The following PTPRT variants were observed in gnomAD, a reference collection of about 807,000 sequenced individuals.
The protein encoded by PTPRT is receptor-type tyrosine-protein phosphatase T.
Under a neutral mutation model 176.8 loss-of-function variants are expected in PTPRT, and 56 were observed. The ratio of observed to expected loss-of-function variants is 0.32; its 90% confidence interval spans 0.26 to 0.40. The LOEUF is 0.40. Among genes scored for constraint, PTPRT ranks in the 10% least tolerant of loss-of-function variants. The pLI is 1.00. For missense variants in PTPRT, 1,540 were observed against 1,908.2 expected, an observed-to-expected ratio of 0.81 and a Z score of 3.60; for synonymous variants, 783 against 739.0, an observed-to-expected ratio of 1.06 and a Z score of -0.96.
intron 6 of PTPRT, among the ~76,000 whole-genome samples, chr20:42,717,576 T>A (rs1261147605): frequency 6.7e-6 from 1 of 148,972 alleles, no homozygotes; most frequent in Non-Finnish European, 1.5e-5. Flanking sequence ...CTAAAGATAA[T>A]GTGAGACAGG....
At chr20:42,188,330 A>G (rs1990861980) in intron 16 of PTPRT, among the ~76,000 whole-genome samples, 1 of 152,110 alleles carries the variant, frequency 6.6e-6, no homozygotes, top group African/African-American at 2.4e-5. Context: ...AAACACAAGG[A>G]GAGCAAAAGT....
intron 18 of PTPRT, 48 bp from the exon 19 acceptor site, chr20:42,128,878 G>T: frequency 4.0e-6 from 6 of 1,482,610 alleles, no homozygotes; most frequent in Non-Finnish European, 5.5e-6. Flanking sequence ...GAGGCCTTAC[G>T]CAGCTAATGT....
intron 13 of PTPRT, among the ~76,000 whole-genome samples, chr20:42,280,852 G>A (rs2057127491): frequency 6.6e-6 from 1 of 152,058 alleles, no homozygotes; most frequent in Admixed American, 6.5e-5. Flanking sequence ...TTGCTTGTCA[G>A]GTCTCATGTT....
chr20:42,571,979 T>C (rs1346940247), intron 7 of PTPRT, among the ~76,000 whole-genome samples: 3 of 152,334 alleles, frequency 2.0e-5, no homozygotes, highest in South Asian at 4.1e-4. Flanking sequence ...TGAGCTGTTA[T>C]AACCACATAC....
intron 1 of PTPRT, among the ~76,000 whole-genome samples, chr20:43,038,559 G>C (rs1435385229): frequency 6.6e-6 from 1 of 152,050 alleles, no homozygotes; most frequent in Non-Finnish European, 1.5e-5. Context: ...CAGAAAAAAG[G>C]ATATCTGCTA....
intron 1 of PTPRT, among the ~76,000 whole-genome samples, chr20:43,001,537 G>T (rs1179064113): frequency 6.6e-6 from 1 of 151,610 alleles, no homozygotes; most frequent in Non-Finnish European, 1.5e-5. Context: ...AAGCAGAATG[G>T]GGTTAACTCA....
At chr20:42,812,435 C>G (rs1034418802) in intron 2 of PTPRT, among the ~76,000 whole-genome samples, 1 of 152,042 alleles carries the variant, frequency 6.6e-6, no homozygotes, top group Admixed American at 6.6e-5. Flanking sequence ...TACTTTCTAT[C>G]TCTATGAATT....
chr20:42,965,063 A>G (rs1982215662), intron 1 of PTPRT, among the ~76,000 whole-genome samples: 1 of 152,254 alleles, frequency 6.6e-6, no homozygotes, highest in African/African-American at 2.4e-5. Context: ...GATACCCAGC[A>G]TAAAAGTAAA....
chr20:43,001,053 T>G (rs1414091258), intron 1 of PTPRT, among the ~76,000 whole-genome samples: 1 of 152,138 alleles, frequency 6.6e-6, no homozygotes, highest in Admixed American at 6.5e-5. Context: ...GAAGGTATTA[T>G]TCTTCACCCA....
chr20:42,299,378 T>C (rs929976586), intron 12 of PTPRT, among the ~76,000 whole-genome samples: 1 of 152,164 alleles, frequency 6.6e-6, no homozygotes, highest in Non-Finnish European at 1.5e-5. Flanking sequence ...CAAATAATTT[T>C]CAACACAACG....
At chr20:42,114,882 C>T (rs1422955876) in intron 22 of PTPRT, among the ~76,000 whole-genome samples, 1 of 152,180 alleles carries the variant, frequency 6.6e-6, no homozygotes, top group East Asian at 1.9e-4. Flanking sequence ...TGCCCAAATG[C>T]CTCCTCTGCT....
At chr20:42,630,945 T>C (rs997379508) in intron 7 of PTPRT, among the ~76,000 whole-genome samples, 4 of 152,268 alleles carry the variant, frequency 2.6e-5, no homozygotes, top group Non-Finnish European at 5.9e-5. Flanking sequence ...AGTGGTACCA[T>C]GGAAGTAATC....
At chr20:42,546,542 C>T (rs1010996118) in intron 7 of PTPRT, among the ~76,000 whole-genome samples, 7 of 152,030 alleles carry the variant, frequency 4.6e-5, no homozygotes, top group African/African-American at 1.4e-4. Flanking sequence ...TATTTAATTT[C>T]CTTTAACAGT....
chr20:42,752,229 C>T (rs1378310371), intron 6 of PTPRT, among the ~76,000 whole-genome samples: 2 of 152,188 alleles, frequency 1.3e-5, no homozygotes, highest in East Asian at 3.9e-4. Context: ...ATAAATCCCA[C>T]CCCTATGGGC....
chr20:43,157,259 G>T (rs550958804), intron 1 of PTPRT, among the ~76,000 whole-genome samples: 5 of 152,048 alleles, frequency 3.3e-5, no homozygotes, highest in Non-Finnish European at 7.4e-5. Context: ...ACTTGGGGAG[G>T]GGGTGGAGGC....
intron 16 of PTPRT, among the ~76,000 whole-genome samples, chr20:42,167,304 T>C (rs1989871727): frequency 6.6e-6 from 1 of 152,186 alleles, no homozygotes; most frequent in Non-Finnish European, 1.5e-5. Flanking sequence ...CTTTCCTTTA[T>C]GACACACCCC....
intron 1 of PTPRT, among the ~76,000 whole-genome samples, chr20:43,049,326 A>AACATACAT (rs3030299): frequency 6.6e-6 from 1 of 151,354 alleles, no homozygotes; most frequent in African/African-American, 2.4e-5. Context: ...GGCCATGTAA[A>AACATACAT]ACATACATAC....
chr20:42,264,834 C>T (rs1339128772), intron 13 of PTPRT, among the ~76,000 whole-genome samples: 1 of 152,216 alleles, frequency 6.6e-6, no homozygotes, highest in Non-Finnish European at 1.5e-5. Context: ...TTAGGTGCCC[C>T]AGGCCTGAGG....
chr20:42,252,664 T>C (rs1368820618), intron 13 of PTPRT, among the ~76,000 whole-genome samples: 1 of 152,084 alleles, frequency 6.6e-6, no homozygotes, highest in East Asian at 1.9e-4. Flanking sequence ...TGGATGAGTA[T>C]TAGAAAAATT....
Sources: gnomAD v4.1 joint callset for allele counts (sites outside exome capture counted in the v4.1 genomes callset) on GRCh38, gnomAD v4.1.1 for gene constraint, MANE v1.5 for transcripts, NCBI Gene and HGNC (gene_info 2026-07-23, HGNC 2026-07-21) for gene names.